The following GALNT8 variants were observed in gnomAD, a reference collection of about 807,000 sequenced individuals.
GALNT8 encodes probable polypeptide N-acetylgalactosaminyltransferase 8.
GALNT8 carries 66 observed loss-of-function variants against 62.7 expected under a neutral mutation model. That is an observed-to-expected ratio of 1.05 (90% confidence interval 0.86 to 1.29). The LOEUF (loss-of-function observed/expected upper bound fraction) is 1.29, where lower values mean the gene tolerates loss of function less well. Among genes scored for constraint, GALNT8 ranks in the 50% most tolerant of loss-of-function variants. GALNT8 has a pLI of 0.00. For synonymous variants in GALNT8, 288 were observed against 294.3 expected, an observed-to-expected ratio of 0.98 and a Z score of 0.22; for missense variants, 771 against 791.8, an observed-to-expected ratio of 0.97 and a Z score of 0.32.
intron 2 of GALNT8, among the ~76,000 whole-genome samples, chr12:4,730,219 G>T (rs1203848282): frequency 6.6e-6 from 1 of 151,932 alleles, no homozygotes; most frequent in Admixed American, 6.6e-5. Flanking sequence ...TTAGTTTGAT[G>T]TAATGCTATT....
intron 6 of GALNT8, among the ~76,000 whole-genome samples, chr12:4,753,250 C>G (rs1265450894): frequency 1.6e-5 from 2 of 128,800 alleles, no homozygotes; most frequent in Non-Finnish European, 3.6e-5. Context: ...TTTGAATAAA[C>G]TTTCTACCCC....
chr12:4,742,806 A>G (rs1482808017), intron 3 of GALNT8, among the ~76,000 whole-genome samples: 1 of 152,200 alleles, frequency 6.6e-6, no homozygotes, highest in African/African-American at 2.4e-5. Flanking sequence ...TGAGCTGACC[A>G]GCCTGGGATA....
chr12:4,767,329 G>GT (rs993592194), intron 10 of GALNT8, among the ~76,000 whole-genome samples: 4 of 152,160 alleles, frequency 2.6e-5, no homozygotes, highest in Admixed American at 6.5e-5. Flanking sequence ...GGGGTTTGCT[G>GT]TTTTTTCTCT....
chr12:4,741,907 G>A (rs1347740872), intron 3 of GALNT8, among the ~76,000 whole-genome samples: 1 of 152,096 alleles, frequency 6.6e-6, no homozygotes, highest in East Asian at 1.9e-4. Flanking sequence ...CATTAACCAC[G>A]AAAACACCAG....
intron 3 of GALNT8, among the ~76,000 whole-genome samples, chr12:4,740,511 C>T (rs984320545): frequency 6.6e-6 from 1 of 151,702 alleles, no homozygotes; most frequent in African/African-American, 2.4e-5. Flanking sequence ...GCAGCCTCCA[C>T]CTCCCGGGTT....
chr12:4,752,743 CTG>C (rs1382155597), intron 6 of GALNT8, among the ~76,000 whole-genome samples: 1 of 152,106 alleles, frequency 6.6e-6, no homozygotes, highest in Non-Finnish European at 1.5e-5. Flanking sequence ...CTGTGGTTTT[CTG>C]TGTACTGACT....
intron 3 of GALNT8, among the ~76,000 whole-genome samples, chr12:4,740,374 A>T (rs1946266754): frequency 6.6e-6 from 1 of 151,988 alleles, no homozygotes; most frequent in Admixed American, 6.5e-5. Context: ...ATTAAATGAG[A>T]TCATAATGGC....
intron 6 of GALNT8, among the ~76,000 whole-genome samples, chr12:4,758,138 CT>C (rs368204161): frequency 2.6e-5 from 4 of 151,030 alleles, no homozygotes; most frequent in African/African-American, 2.4e-5. Flanking sequence ...CATCCTTTTC[CT>C]TTTTTTTTGG....
Position 4,720,834 on chromosome 12 carries a change from T to C in GALNT8, c.157T>C (p.Tyr53His). Residue 53 changes from tyrosine (Y) to histidine (H), a missense_variant, in exon 1 of 11, where the codon TAC becomes CAC. Transcript: ENST00000252318. ...GCTTCCTTTACATCTGAATAAACGCTACGGGGCAGTGATAAAGAGACTCTC... is the reference window on the plus strand; with the variant it reads ...GCTTCCTTTACATCTGAATAAACGCCACGGGGCAGTGATAAAGAGACTCTC... ...RELPLHLNKRYGAVIKRLSHL... is the reference protein window; with the variant it reads ...RELPLHLNKRHGAVIKRLSHL... The C allele has an allele frequency of 3.7e-6, 6 of 1,610,194 alleles. No homozygotes were observed. The highest frequency in any genetic ancestry group is 5.1e-6 in the Non-Finnish European group (6 of 1,176,662).
In GALNT8 at chr12:4,720,470, C is replaced by T. The variant is rs528386945; in HGVS notation, c.-208C>T. The T allele has an allele frequency of 3.2e-5, 18 of 570,628 alleles. No homozygotes were observed. Among genetic ancestry groups the T allele is most frequent in the South Asian group, 1.0e-4 (5 of 47,912 alleles). 35.3% of individuals were successfully genotyped at this position (570,628 alleles called of 1,614,324 possible). On this transcript the variant is annotated 5_prime_UTR_variant, in exon 1 of 11. Coordinates refer to ENST00000252318, the MANE Select transcript of GALNT8 (RefSeq NM_017417.2). Reference sequence around the variant, plus strand: ...GAAAGCCGCTGAGCGGTTATCCTCTCGGGGCATAAAGACAAAGAAGGCAAT... The same window carrying T: ...GAAAGCCGCTGAGCGGTTATCCTCTTGGGGCATAAAGACAAAGAAGGCAAT...
In GALNT8 at chr12:4,761,118, A is replaced by C. The variant is rs771590048; in HGVS notation, c.1334A>C (p.Tyr445Ser). The change falls in exon 7 of 11, where the codon TAC (tyrosine) becomes TCC (serine). Residue 445 changes from tyrosine to serine, a missense_variant. Tyr to Ser is a moderately radical substitution (Grantham distance 144, BLOSUM62 -2). Coordinates refer to ENST00000252318, the MANE Select transcript of GALNT8 (RefSeq NM_017417.2). ...IWMDEHKHMV[Y>S]LAWNIPLQNS... is the part of the protein sequence containing the mutation. The stretch of plus-strand genomic sequence containing the variant: ...ATGGATGAGCACAAACACATGGTCT[A>C]CTTGGCCTGGAACATACCTCTCCAG... 1.2e-6 allele frequency: 2 copies of C among 1,613,986 alleles called. No homozygotes were observed. The highest frequency in any genetic ancestry group is 1.1e-5 in the South Asian group (1 of 91,076).
chr12:4,724,686 C>T (rs866225865), intron 1 of GALNT8, among the ~76,000 whole-genome samples: 1 of 152,206 alleles, frequency 6.6e-6, no homozygotes, highest in Non-Finnish European at 1.5e-5. Context: ...TCACATGAGC[C>T]TCCTTTGAGA....
intron 10 of GALNT8, among the ~76,000 whole-genome samples, chr12:4,772,090 T>C (rs1486943939): frequency 2.0e-5 from 3 of 151,924 alleles, no homozygotes; most frequent in Admixed American, 2.0e-4. Context: ...TCTCATGGGG[T>C]CAGGGGTGAG....
chr12:4,747,972 G>A (rs1946307434), intron 6 of GALNT8, among the ~76,000 whole-genome samples: 1 of 152,156 alleles, frequency 6.6e-6, no homozygotes, highest in South Asian at 2.1e-4. Context: ...GATGATCAGT[G>A]ATGTTGAGTA....
chr12:4,770,890 GA>G (rs1347762108), intron 10 of GALNT8, among the ~76,000 whole-genome samples: 1 of 152,202 alleles, frequency 6.6e-6, no homozygotes, highest in Admixed American at 6.5e-5. Flanking sequence ...AAAGGCAGTA[GA>G]AAAGGAATCT....
intron 6 of GALNT8, among the ~76,000 whole-genome samples, chr12:4,757,161 G>A (rs1377219783): frequency 1.3e-5 from 2 of 152,184 alleles, no homozygotes; most frequent in African/African-American, 4.8e-5. Flanking sequence ...ATGCTGAATT[G>A]TGAGTCAATG....
intron 2 of GALNT8, among the ~76,000 whole-genome samples, chr12:4,735,143 G>A (rs1488478499): frequency 6.6e-6 from 1 of 152,142 alleles, no homozygotes; most frequent in Non-Finnish European, 1.5e-5. Context: ...TGTGGATTGA[G>A]GCTTCCTTCC....
chr12:4,763,139 C>A, intron 7 of GALNT8, 114 bp from the exon 8 acceptor site: 1 of 813,030 alleles, frequency 1.2e-6, no homozygotes, highest in Non-Finnish European at 2.0e-6. Flanking sequence ...GGTTGCAGTC[C>A]GTCCACAAGG....
At chr12:4,765,019 A>G (rs1946392678) in intron 9 of GALNT8, among the ~76,000 whole-genome samples, 2 of 152,316 alleles carry the variant, frequency 1.3e-5, no homozygotes, top group South Asian at 4.1e-4. Context: ...TGAGCAAGAT[A>G]GTGTCAGACC....
Sources: allele counts gnomAD v4.1 joint callset (sites outside exome capture counted in the v4.1 genomes callset), GRCh38; gene constraint gnomAD v4.1.1; transcripts MANE v1.5; gene names NCBI Gene and HGNC (gene_info 2026-07-23, HGNC 2026-07-21).